HMCN1: variants seen among roughly 807,000 people sequenced by gnomAD.
HMCN1 encodes the protein hemicentin 1.
A neutral mutation model predicts 625.9 loss-of-function variants in HMCN1; 321 were observed. That is an observed-to-expected ratio of 0.51 (90% CI 0.47 to 0.56). The LOEUF (loss-of-function observed/expected upper bound fraction) is 0.56. Among genes scored for constraint, HMCN1 ranks in the 20% least tolerant of loss-of-function variants. The pLI is 0.00. For synonymous variants in HMCN1, 2,425 were observed against 2,417.6 expected (o/e 1.00, Z -0.09); for missense variants, 6,588 against 6,887.3 (o/e 0.96, Z 1.54).
chr1:186,128,504 A>G (rs1473413503), intron 83 of HMCN1, among the ~76,000 whole-genome samples: 2 of 152,000 alleles, frequency 1.3e-5, no homozygotes, highest in Admixed American at 1.3e-4. Flanking sequence ...AGGGCCATAT[A>G]TTGCAGGTTA....
At position 186,093,630 on chromosome 1, in the gene HMCN1, C is replaced by T. The variant is rs781432279; in HGVS notation, c.10157C>T (p.Ser3386Phe). 1 of 1,613,388 alleles carries T rather than the reference C, an allele frequency of 6.2e-7. No homozygotes were observed. Among genetic ancestry groups the T allele is most frequent in the Non-Finnish European group, 8.5e-7 (1 of 1,179,564 alleles). Residue 3386 changes from serine to phenylalanine, a missense_variant, in exon 66 of 107, where the codon TCC becomes TTC. Coordinates refer to ENST00000271588, the MANE Select transcript of HMCN1 (RefSeq NM_031935.3). ...AAGAATGGACTTCCTCTGCCTCTCT[C>T]CTCCCATATCCGGTTACTGGCAGCA... ...WLKNGLPLPL[S>F]SHIRLLAAGQ...
chr1:185,839,746 A>C (rs59312002), intron 1 of HMCN1, among the ~76,000 whole-genome samples: 10,991 of 152,202 alleles, frequency 0.072, 1,294 homozygotes, highest in African/African-American at 0.24. Context: ...TTATGTCAAC[A>C]ATTTTTTCTA....
At chr1:185,871,639 T>C (rs1663627633) in intron 4 of HMCN1, among the ~76,000 whole-genome samples, 1 of 152,170 alleles carries the variant, frequency 6.6e-6, no homozygotes, top group Non-Finnish European at 1.5e-5. Context: ...AAAGTGACAA[T>C]TTTGCAACAC....
intron 11 of HMCN1, among the ~76,000 whole-genome samples, chr1:185,947,647 C>G (rs1668414321): frequency 1.3e-5 from 2 of 152,154 alleles, no homozygotes; most frequent in South Asian, 4.1e-4. Context: ...GCTTCCTTCC[C>G]AAGGCAACTG....
chr1:185,819,870 T>C (rs1016069782), intron 1 of HMCN1, among the ~76,000 whole-genome samples: 5 of 152,220 alleles, frequency 3.3e-5, no homozygotes, highest in Non-Finnish European at 7.3e-5. Flanking sequence ...TTCTGAAATG[T>C]AGTTTTATTT....
chr1:185,916,181 T>A (rs568684439), intron 6 of HMCN1, among the ~76,000 whole-genome samples: 91 of 152,216 alleles, frequency 6.0e-4, no homozygotes, highest in African/African-American at 2.2e-3. Context: ...TAAATCTAGC[T>A]TCTATGATTG....
chr1:185,892,653 A>C (rs1307606966), intron 4 of HMCN1, among the ~76,000 whole-genome samples: 1 of 152,002 alleles, frequency 6.6e-6, no homozygotes, highest in East Asian at 1.9e-4. Flanking sequence ...CCACTTGAGG[A>C]GGCAGTCTGC....
chr1:185,935,223 G>A (rs974259319), intron 11 of HMCN1, among the ~76,000 whole-genome samples: 9 of 151,242 alleles, frequency 6.0e-5, no homozygotes, highest in African/African-American at 1.5e-4. Flanking sequence ...GTTTCTCCAC[G>A]TTAACGTTAT....
chr1:185,869,282 G>A (rs1663460395), intron 4 of HMCN1, among the ~76,000 whole-genome samples: 1 of 152,110 alleles, frequency 6.6e-6, no homozygotes, highest in South Asian at 2.1e-4. Context: ...TGGGATCTGT[G>A]AGTCCCAGTT....
At chr1:185,933,936 A>C (rs1163854052) in intron 11 of HMCN1, 112 bp downstream of exon 11, 1 of 919,448 alleles carries the variant, frequency 1.1e-6, no homozygotes, top group Non-Finnish European at 1.8e-6. Flanking sequence ...CCAAATAATT[A>C]CAGTTTTAAG....
At chr1:185,958,574 G>A (rs1008740219) in intron 11 of HMCN1, among the ~76,000 whole-genome samples, 5 of 152,140 alleles carry the variant, frequency 3.3e-5, no homozygotes, top group South Asian at 2.1e-4. Context: ...CTATATAGAG[G>A]AATACTGCTA....
intron 4 of HMCN1, among the ~76,000 whole-genome samples, chr1:185,891,811 G>T (rs1030899286): frequency 6.8e-6 from 1 of 147,774 alleles, no homozygotes; most frequent in Non-Finnish European, 1.5e-5. Flanking sequence ...TTCTCGAGGA[G>T]TATCTTTGTG....
chr1:185,913,859 T>A (rs1666559287), intron 6 of HMCN1, among the ~76,000 whole-genome samples: 1 of 152,120 alleles, frequency 6.6e-6, no homozygotes, highest in African/African-American at 2.4e-5. Flanking sequence ...CACATTTTAA[T>A]TGATAATTAG....
chr1:186,029,671 G>A (rs1655291464), intron 36 of HMCN1, among the ~76,000 whole-genome samples: 2 of 151,486 alleles, frequency 1.3e-5, no homozygotes, highest in Non-Finnish European at 2.9e-5. Context: ...TCTTTTCCAA[G>A]AACCAGCTTT....
At chr1:185,885,301 G>C (rs914167886) in intron 4 of HMCN1, among the ~76,000 whole-genome samples, 1 of 151,898 alleles carries the variant, frequency 6.6e-6, no homozygotes, top group Non-Finnish European at 1.5e-5. Flanking sequence ...TACAAGAATA[G>C]CTAGTTTGCT....
intron 4 of HMCN1, among the ~76,000 whole-genome samples, chr1:185,893,329 T>C (rs1665269157): frequency 2.6e-5 from 4 of 152,196 alleles, no homozygotes; most frequent in Admixed American, 2.6e-4. Context: ...CCATCTTGGC[T>C]CCTCCACTTG....
rs1260313414 is a variant in HMCN1 at position 186,189,973 on chromosome 1, T to C, written c.*95T>C. On this transcript the variant is annotated 3_prime_UTR_variant, in exon 107 of 107. Coordinates refer to ENST00000271588, the MANE Select transcript of HMCN1 (RefSeq NM_031935.3). ...TACTGTCTCTTGAACAGTTGCAATCTTGGCAGCTTGAAAATGGTGCTACAC... is the reference window on the plus strand; with the variant it reads ...TACTGTCTCTTGAACAGTTGCAATCCTGGCAGCTTGAAAATGGTGCTACAC... 2.1e-6 allele frequency: 3 copies of C among 1,425,764 alleles called. No homozygotes were observed. In the African/African-American group the frequency reaches 4.2e-5, roughly 20 times the overall value. 88.3% of individuals were successfully genotyped at this position (1,425,764 alleles called of 1,614,324 possible). A position where few individuals can be genotyped will look rare whatever the true frequency, so the allele number is the denominator to read the frequency against.
chr1:186,131,975 A>G (rs187241133), intron 85 of HMCN1, among the ~76,000 whole-genome samples: 2 of 152,286 alleles, frequency 1.3e-5, no homozygotes, highest in African/African-American at 2.4e-5. Flanking sequence ...TAAGATATCT[A>G]TAAGTATAGC....
intron 72 of HMCN1, among the ~76,000 whole-genome samples, chr1:186,113,507 C>T (rs1233838730): frequency 6.6e-6 from 1 of 152,166 alleles, no homozygotes; most frequent in Non-Finnish European, 1.5e-5. Context: ...GCTGTCTATT[C>T]CCATATGAAC....
Sources: gnomAD v4.1 joint callset for allele counts (sites outside exome capture counted in the v4.1 genomes callset) on GRCh38, gnomAD v4.1.1 for gene constraint, MANE v1.5 for transcripts, NCBI Gene and HGNC (gene_info 2026-07-23, HGNC 2026-07-21) for gene names.